LRIG1: variants seen among roughly 807,000 people sequenced by gnomAD.
The protein encoded by LRIG1 is leucine rich repeats and immunoglobulin like domains 1.
A neutral mutation model predicts 99.2 loss-of-function variants in LRIG1; 48 were observed. The ratio of observed to expected loss-of-function variants is 0.48; its 90% confidence interval spans 0.38 to 0.62. The LOEUF is 0.62. Ranked by LOEUF, LRIG1 falls within the 20% of genes least tolerant of loss-of-function variation. LRIG1 has a pLI of 0.00. For synonymous variants in LRIG1, 772 were observed against 596.1 expected (o/e 1.29, Z -4.30); for missense variants, 1,646 against 1,434.4 (o/e 1.15, Z -2.38).
intron 3 of LRIG1, among the ~76,000 whole-genome samples, chr3:66,419,909 C>T (rs894800022): frequency 4.6e-5 from 7 of 152,148 alleles, no homozygotes; most frequent in Non-Finnish European, 1.0e-4. Context: ...GGAAGATAAC[C>T]ATGCCCATGG....
intron 1 of LRIG1, among the ~76,000 whole-genome samples, chr3:66,493,722 C>G (rs948353697): frequency 1.3e-5 from 2 of 151,862 alleles, no homozygotes; most frequent in Admixed American, 6.6e-5. Flanking sequence ...CTTGAGCCCA[C>G]GAGGCTGAGG....
chr3:66,414,859 G>A, intron 5 of LRIG1, 61 bp downstream of exon 5: 2 of 1,467,576 alleles, frequency 1.4e-6, no homozygotes, highest in Non-Finnish European at 1.8e-6. Context: ...AGGTCCTTGG[G>A]GAAATCTGGC....
chr3:66,499,391 T>C (rs1701301812), intron 1 of LRIG1, among the ~76,000 whole-genome samples: 1 of 152,112 alleles, frequency 6.6e-6, no homozygotes, highest in Non-Finnish European at 1.5e-5. Flanking sequence ...TTTGCACCAT[T>C]TATGGAGGAG....
chr3:66,397,975 A>G, intron 11 of LRIG1, 137 bp downstream of exon 11: 1 of 675,044 alleles, frequency 1.5e-6, no homozygotes, highest in Non-Finnish European at 2.6e-6. Flanking sequence ...TAGTCATGAC[A>G]GAGACTCTGT....
intron 1 of LRIG1, among the ~76,000 whole-genome samples, chr3:66,490,486 T>A (rs553822981): frequency 6.6e-6 from 1 of 152,304 alleles, no homozygotes; most frequent in South Asian, 2.1e-4. Flanking sequence ...AAATTCTTCT[T>A]AATTAAAAAT....
At chr3:66,406,143 G>GGGC in intron 8 of LRIG1, 1 of 985,564 alleles carries the variant, frequency 1.0e-6, no homozygotes, top group Non-Finnish European at 1.2e-6. Flanking sequence ...TGCCAGCAGA[G>GGGC]AGGGCAGCTC....
At chr3:66,412,762 C>T in intron 6 of LRIG1, 109 bp downstream of exon 6, 1 of 1,314,974 alleles carries the variant, frequency 7.6e-7, no homozygotes. Flanking sequence ...ACCCAACACA[C>T]AGCAACGTTG....
chr3:66,464,382 G>A (rs1232793848), intron 1 of LRIG1, among the ~76,000 whole-genome samples: 8 of 152,028 alleles, frequency 5.3e-5, no homozygotes, highest in Admixed American at 1.3e-4. Flanking sequence ...AGTGCCTGCC[G>A]CACACCTAAA....
At chr3:66,500,106 C>A in intron 1 of LRIG1, 84 bp downstream of exon 1, 1 of 1,090,930 alleles carries the variant, frequency 9.2e-7, no homozygotes. Context: ...GTCCGCACCC[C>A]CTCCCTGAGT....
chr3:66,381,560 G>A lies in LRIG1; in HGVS notation c.2689C>T (p.Leu897Phe), dbSNP rs763937573. 31 of 1,614,024 alleles carry A rather than the reference G, an allele frequency of 1.9e-5. No individual in the cohort carries two copies. In the East Asian group the frequency reaches 6.2e-4, roughly 32 times the overall value. ...THSVACRQPKLCAGSAYHKEP... is the reference protein window; with the variant it reads ...THSVACRQPKFCAGSAYHKEP... ...TTGTGATACGCAGACCCAGCACAGA[G>A]CTTTGGCTGCCTGCAGGCAACGCTG... The change falls in exon 17 of 19, where the codon CTC (leucine) becomes TTC (phenylalanine). Residue 897 changes from leucine to phenylalanine, a missense_variant. Physicochemically the swap from Leu to Phe is conservative, Grantham distance 22. Coordinates refer to ENST00000273261, the MANE Select transcript of LRIG1 (RefSeq NM_015541.3).
chr3:66,387,456 C>T (rs963319842), intron 12 of LRIG1: 1 of 152,002 alleles, frequency 6.6e-6, no homozygotes, highest in Non-Finnish European at 1.5e-5. Context: ...ACTTCTCTGT[C>T]CAACCATTAG....
At chr3:66,487,341 A>G (rs906770484) in intron 1 of LRIG1, among the ~76,000 whole-genome samples, 7 of 151,696 alleles carry the variant, frequency 4.6e-5, no homozygotes, top group Non-Finnish European at 8.8e-5. Context: ...TTTACTCCTG[A>G]TATTTAAATT....
At chr3:66,484,126 G>A (rs1700913412) in intron 1 of LRIG1, among the ~76,000 whole-genome samples, 1 of 152,206 alleles carries the variant, frequency 6.6e-6, no homozygotes, top group Admixed American at 6.5e-5. Flanking sequence ...TTGGTGGAGG[G>A]TGGTGAGGGG....
chr3:66,490,315 G>A (rs920197357), intron 1 of LRIG1, among the ~76,000 whole-genome samples: 1 of 152,094 alleles, frequency 6.6e-6, no homozygotes, highest in Non-Finnish European at 1.5e-5. Flanking sequence ...TGCTCCCTTC[G>A]AGCTGCAGCC....
At chr3:66,463,326 G>T (rs1410956645) in intron 1 of LRIG1, among the ~76,000 whole-genome samples, 1 of 152,232 alleles carries the variant, frequency 6.6e-6, no homozygotes, top group African/African-American at 2.4e-5. Context: ...GGGAGGGACA[G>T]TCACACAGGA....
chr3:66,415,423 A>G (rs980168275), intron 4 of LRIG1, among the ~76,000 whole-genome samples: 29 of 152,216 alleles, frequency 1.9e-4, no homozygotes, highest in African/African-American at 5.5e-4. Flanking sequence ...CCAGTGCCCA[A>G]GGTTGACGTG....
At chr3:66,474,929 T>G (rs1700685529) in intron 1 of LRIG1, among the ~76,000 whole-genome samples, 1 of 152,216 alleles carries the variant, frequency 6.6e-6, no homozygotes, top group Admixed American at 6.5e-5. Context: ...GGAGTTTCAG[T>G]TACAGGCAGA....
In LRIG1 at chr3:66,380,669, C is replaced by T; in HGVS notation, c.2963G>A (p.Cys988Tyr). Residue 988 changes from cysteine (C) to tyrosine (Y), a missense_variant, in exon 18 of 19, where the codon TGC (cysteine) becomes TAC (tyrosine). By Grantham distance (194) the Cys-to-Tyr change is radical. Transcript: ENST00000273261. ...HQCSRTAAGSCPECQGSLYPS... is the reference protein window; with the variant it reads ...HQCSRTAAGSYPECQGSLYPS... The stretch of plus-strand genomic sequence containing the variant: ...GTAGAGCGACCCTTGGCACTCGGGG[C>T]AGGACCCAGCGGCAGTCCTGCTGCA... 6.2e-7 allele frequency: 1 copy of T among 1,614,224 alleles called. No homozygotes were observed. Among genetic ancestry groups the T allele is most frequent in the Non-Finnish European group, 8.5e-7 (1 of 1,180,034 alleles).
intron 6 of LRIG1, 129 bp from the exon 7 acceptor site, chr3:66,410,401 T>C (rs1029957622): frequency 1.1e-5 from 9 of 846,120 alleles, no homozygotes; most frequent in Middle Eastern, 3.6e-4. Flanking sequence ...ACGACAGAAC[T>C]GTGGAGTCTA....
Sources: allele counts gnomAD v4.1 joint callset (sites outside exome capture counted in the v4.1 genomes callset), GRCh38; gene constraint gnomAD v4.1.1; transcripts MANE v1.5; gene names NCBI Gene and HGNC (gene_info 2026-07-23, HGNC 2026-07-21).